MUSK: variants seen among roughly 807,000 people sequenced by gnomAD.
MUSK encodes muscle associated receptor tyrosine kinase, also known as muscle, skeletal receptor tyrosine-protein kinase.
MUSK carries 55 observed loss-of-function variants against 88.7 expected under a neutral mutation model. The observed-to-expected ratio is 0.62, with a 90% confidence interval of 0.50 to 0.78. The LOEUF (loss-of-function observed/expected upper bound fraction) is 0.78. Among genes scored for constraint, MUSK ranks in the 30% least tolerant of loss-of-function variants. The pLI is 0.00. For missense variants in MUSK, 1,015 were observed against 1,074.3 expected, an observed-to-expected ratio of 0.94 and a Z score of 0.77; for synonymous variants, 387 against 391.9, an observed-to-expected ratio of 0.99 and a Z score of 0.15.
chr9:110,755,503 T>C (rs1175863768), intron 7 of MUSK, among the ~76,000 whole-genome samples: 1 of 152,164 alleles, frequency 6.6e-6, no homozygotes, highest in Non-Finnish European at 1.5e-5. Context: ...ATTATGCCTT[T>C]TAGAATCTCC....
chr9:110,691,530 T>C (rs2076355681), intron 3 of MUSK, among the ~76,000 whole-genome samples: 2 of 152,168 alleles, frequency 1.3e-5, no homozygotes, highest in Admixed American at 1.3e-4. Flanking sequence ...CTTAGTTCTT[T>C]CTTCTACCTG....
chr9:110,742,114 C>G (rs1016043959), intron 6 of MUSK, among the ~76,000 whole-genome samples: 1 of 152,012 alleles, frequency 6.6e-6, no homozygotes, highest in Non-Finnish European at 1.5e-5. Context: ...TCTGTGGAAA[C>G]TGTTATAGTC....
chr9:110,728,738 A>G (rs1165623363), intron 5 of MUSK: 7 of 1,564,932 alleles, frequency 4.5e-6, no homozygotes, highest in Non-Finnish European at 5.1e-6. Flanking sequence ...TTCTTTCTGC[A>G]TGGCTTCTTT....
chr9:110,763,386 TAGC>T lies in MUSK; in HGVS notation c.920+1181_920+1183del, dbSNP rs566281750. ...ATTAACAATTTTGGAGCTACTGCCT[TAGC>T]AGAGTAAAGTTTATCTAAACTAAAA... On this transcript the variant is annotated intron_variant, in intron 8 of 14. Transcript: ENST00000374448. Among the ~76,000 whole-genome samples, 740 of 152,284 alleles carry T rather than the reference TAGC, an allele frequency of 4.9e-3. 7 individuals carry two copies. Among genetic ancestry groups the T allele is most frequent in the African/African-American group, 0.016 (682 of 41,560 alleles).
At position 110,784,846 on chromosome 9, in the gene MUSK, T is replaced by C; in HGVS notation, c.1416T>C (p.Ser472=). The change falls in exon 12 of 15, where the codon AGT becomes AGC. Residue 472 remains serine, a synonymous_variant. Transcript: ENST00000374448. ...CACCAATGACGTCCTCAAAGCCAAGTGTGGACATTCCAAATCTGCCTTCCT... is the reference window on the plus strand; with the variant it reads ...CACCAATGACGTCCTCAAAGCCAAGCGTGGACATTCCAAATCTGCCTTCCT... ...TFPPMTSSKP[S]VDIPNLPSSS... 6.2e-7 allele frequency: 1 copy of C among 1,613,730 alleles called. No individual in the cohort carries two copies. Among genetic ancestry groups the C allele is most frequent in the Non-Finnish European group, 8.5e-7 (1 of 1,179,758 alleles).
At position 110,747,833 on chromosome 9, in the gene MUSK, G is replaced by C. The variant is rs781409455; in HGVS notation, c.913+33G>C. ...GCCCCTTCACATTTGCGTTGTTCCA[G>C]GAGAGGGGAGAGTTGATACTATTCT... On this transcript the variant is annotated intron_variant, in intron 7 of 14. Transcript: ENST00000374448. 3 of 1,605,298 alleles carry C rather than the reference G, an allele frequency of 1.9e-6. No individual in the cohort carries two copies. In the Admixed American group the frequency reaches 5.0e-5, roughly 27 times the overall value.
intron 7 of MUSK, among the ~76,000 whole-genome samples, chr9:110,758,268 T>C (rs901605312): frequency 6.6e-6 from 1 of 152,178 alleles, no homozygotes; most frequent in Non-Finnish European, 1.5e-5. Context: ...CTGGCCCTAA[T>C]TGATAAAGTT....
At chr9:110,789,865 G>C (rs952400115) in intron 14 of MUSK, among the ~76,000 whole-genome samples, 2 of 152,140 alleles carry the variant, frequency 1.3e-5, no homozygotes, top group Non-Finnish European at 2.9e-5. Flanking sequence ...GGATATGGAG[G>C]CCTAGAGTTC....
intron 5 of MUSK, among the ~76,000 whole-genome samples, chr9:110,703,462 A>G (rs34995660): frequency 0.064 from 9,774 of 152,010 alleles, 366 homozygotes; most frequent in East Asian, 0.089. Flanking sequence ...CCCAGGAGGC[A>G]GAGGTTGCAG....
At chr9:110,761,994 A>G in intron 7 of MUSK, 1 of 917,554 alleles carries the variant, frequency 1.1e-6, no homozygotes, top group African/African-American at 1.8e-5. Flanking sequence ...CCTGCTTCCT[A>G]AAGATACTCA....
intron 5 of MUSK, among the ~76,000 whole-genome samples, chr9:110,731,120 T>C (rs1474144089): frequency 6.6e-6 from 1 of 152,086 alleles, no homozygotes; most frequent in African/African-American, 2.4e-5. Context: ...ACTCAGCAAA[T>C]ATTCATTGAG....
At chr9:110,712,277 TG>T (rs998735287) in intron 5 of MUSK, among the ~76,000 whole-genome samples, 1 of 152,174 alleles carries the variant, frequency 6.6e-6, no homozygotes, top group Non-Finnish European at 1.5e-5. Flanking sequence ...CTTTATTTTT[TG>T]CTCGGCCTGG....
Position 110,681,080 on chromosome 9 carries a change from T to TA in MUSK, c.80-1594_80-1593insA, listed in dbSNP as rs1491549151. Among the ~76,000 whole-genome samples the TA allele has an allele frequency of 1.7e-3, 44 of 25,980 alleles. 2 individuals are homozygous for TA. The highest frequency in any genetic ancestry group is 9.9e-3 in the African/African-American group (38 of 3,856). 17.0% of individuals were successfully genotyped at this position (25,980 alleles called of 152,430 possible). ...TATTATATATATAATATTATATATATTATATAATATATATTATATAATATA... is the reference window on the plus strand; with the variant it reads ...TATTATATATATAATATTATATATATATATATAATATATATTATATAATATA... On this transcript the variant is annotated intron_variant, in intron 1 of 14. Coordinates refer to ENST00000374448, the MANE Select transcript of MUSK (RefSeq NM_005592.4).
chr9:110,685,088 T>C (rs1287004842), intron 2 of MUSK, among the ~76,000 whole-genome samples: 2 of 152,156 alleles, frequency 1.3e-5, no homozygotes, highest in Admixed American at 1.3e-4. Flanking sequence ...AGTATGATAC[T>C]ACTAGCTGTG....
intron 14 of MUSK, 21 bp from the exon 15 acceptor site, chr9:110,800,285 G>A (rs1398361005): frequency 2.5e-6 from 4 of 1,583,506 alleles, no homozygotes; most frequent in Admixed American, 3.5e-5. Flanking sequence ...GAGACTAACA[G>A]GGATGGTCTT....
intron 5 of MUSK, among the ~76,000 whole-genome samples, chr9:110,730,900 C>G (rs143610525): frequency 6.9e-4 from 105 of 152,112 alleles, no homozygotes; most frequent in African/African-American, 2.4e-3. Context: ...CTCCCCACCC[C>G]ACTCTTTCCC....
intron 1 of MUSK, among the ~76,000 whole-genome samples, chr9:110,681,006 T>TTA (rs375006916): frequency 0.086 from 3,566 of 41,652 alleles, 631 homozygotes; most frequent in African/African-American, 0.33. Context: ...ATATATTATA[T>TTA]TATATATAAT....
rs138344522 is a variant in MUSK, at chr9:110,744,820, T to C, written c.754-2821T>C. Among the ~76,000 whole-genome samples, 402 of 152,288 alleles carry C rather than the reference T, an allele frequency of 2.6e-3. 3 individuals are homozygous for C. Among genetic ancestry groups the C allele is most frequent in the African/African-American group, 9.5e-3 (393 of 41,558 alleles). On this transcript the variant is annotated intron_variant, in intron 6 of 14. Transcript: ENST00000374448. ...GAGAAAATCATGCATTTCCTGTAAC[T>C]ACCAGACGTAGTCACCTCAATTAAG...
At position 110,775,799 on chromosome 9, in the gene MUSK, T is replaced by G; in HGVS notation, c.1196T>G (p.Leu399Trp). 1 of 1,613,670 alleles carries G rather than the reference T, an allele frequency of 6.2e-7. No individual in the cohort carries two copies. The highest frequency in any genetic ancestry group is 8.5e-7 in the Non-Finnish European group (1 of 1,179,598). Residue 399 changes from leucine to tryptophan, a missense_variant, in exon 10 of 15, where the codon TTG (leucine) becomes TGG (tryptophan). Coordinates refer to ENST00000374448, the MANE Select transcript of MUSK (RefSeq NM_005592.4). ...TPIPICREYC[L>W]AVKELFCAKE... The stretch of plus-strand genomic sequence containing the variant: ...ATATACTATTTTAGAGAGTACTGCT[T>G]GGCAGTAAAGGAGCTCTTCTGCGCA...
Sources: gnomAD v4.1 joint callset for allele counts (sites outside exome capture counted in the v4.1 genomes callset) on GRCh38, gnomAD v4.1.1 for gene constraint, MANE v1.5 for transcripts, NCBI Gene and HGNC (gene_info 2026-07-23, HGNC 2026-07-21) for gene names.